Variants in F3 observed in about 807,000 individuals in gnomAD.
The protein encoded by F3 is tissue factor.
A neutral mutation model predicts 33.5 loss-of-function variants in F3; 18 were observed. The ratio of observed to expected loss-of-function variants is 0.54; its 90% CI spans 0.37 to 0.80. The LOEUF is 0.80. Ranked by LOEUF, F3 falls within the 30% of genes least tolerant of loss-of-function variation. F3 has a pLI of 0.00. For synonymous variants in F3, 147 were observed against 140.7 expected, an observed-to-expected ratio of 1.05 and a Z score of -0.32; for missense variants, 353 against 362.1, an observed-to-expected ratio of 0.97 and a Z score of 0.20.
chr1:94,541,442 C>G (rs1339113465), intron 1 of F3, 95 bp downstream of exon 1: 3 of 1,024,372 alleles, frequency 2.9e-6, no homozygotes, highest in Non-Finnish European at 4.0e-6. Flanking sequence ...ACATGGGCGC[C>G]CCGGGGAACC....
Position 94,532,303 on chromosome 1 carries a change from G to T in F3, c.751+18C>A. The T allele has an allele frequency of 6.2e-7, 1 of 1,612,332 alleles. No individual in the cohort carries two copies. Among genetic ancestry groups the T allele is most frequent in the Non-Finnish European group, 8.5e-7 (1 of 1,179,134 alleles). On this transcript the variant is annotated intron_variant, in intron 5 of 5. Transcript: ENST00000334047. ...CAGCACCCATACCCCCAGGCAAATG[G>T]CTGGCAGAGCCACTCACCTCTGAAT...
At chr1:94,537,496 G>A (rs1052073152) in intron 2 of F3, among the ~76,000 whole-genome samples, 1 of 152,168 alleles carries the variant, frequency 6.6e-6, no homozygotes, top group African/African-American at 2.4e-5. Context: ...TGCCTGGTAC[G>A]AGGGCTGCAT....
At position 94,532,383 on chromosome 1, in the gene F3, A is replaced by G. The variant is rs756720253; in HGVS notation, c.689T>C (p.Val230Ala). The G allele has an allele frequency of 4.3e-6, 7 of 1,614,002 alleles. No homozygotes were observed. The highest frequency in any genetic ancestry group is 5.9e-6 in the Non-Finnish European group (7 of 1,180,030). Residue 230 changes from valine (V) to alanine (A), a missense_variant, in exon 5 of 6, where the codon GTT becomes GCT. Coordinates refer to ENST00000334047, the MANE Select transcript of F3 (RefSeq NM_001993.5). ...SVQAVIPSRT[V>A]NRKSTDSPVE... The stretch of plus-strand genomic sequence containing the variant: ...CGGGCTGTCTGTACTCTTCCGGTTA[A>G]CTGTTCGGGAGGGAATCACTGCTTG...
At chr1:94,532,258 A>G in intron 5 of F3, 63 bp downstream of exon 5, 1 of 1,497,590 alleles carries the variant, frequency 6.7e-7, no homozygotes, top group African/African-American at 1.4e-5. Context: ...GGGTGGAGCT[A>G]CTCCTCCAGA....
chr1:94,540,903 T>C (rs565316215), intron 1 of F3: 1 of 155,184 alleles, frequency 6.4e-6, no homozygotes, highest in African/African-American at 2.4e-5. Flanking sequence ...GTCGGCTGTA[T>C]TGGATCAGGA....
intron 2 of F3, among the ~76,000 whole-genome samples, chr1:94,537,537 C>T (rs963102300): frequency 1.3e-5 from 2 of 152,190 alleles, no homozygotes; most frequent in Non-Finnish European, 2.9e-5. Context: ...AGCAGCAGGG[C>T]TATAGGGTCT....
At position 94,533,077 on chromosome 1, in the gene F3, A is replaced by G. The variant is rs571550466; in HGVS notation, c.591+13T>C. On this transcript the variant is annotated intron_variant, in intron 4 of 5. Coordinates refer to ENST00000334047, the MANE Select transcript of F3 (RefSeq NM_001993.5). Reference sequence around the variant, plus strand: ...TTAAAACAGGTCATAAAAACAAATTAAAAAATGCTCACCTTTCCTGAACTT... The same window carrying G: ...TTAAAACAGGTCATAAAAACAAATTGAAAAATGCTCACCTTTCCTGAACTT... The G allele has an allele frequency of 1.9e-6, 3 of 1,606,092 alleles. No individual in the cohort carries two copies. Among genetic ancestry groups the G allele is most frequent in the South Asian group, 2.2e-5 (2 of 89,020 alleles).
At chr1:94,537,520 C>G (rs1476380427) in intron 2 of F3, among the ~76,000 whole-genome samples, 1 of 152,126 alleles carries the variant, frequency 6.6e-6, no homozygotes, top group Non-Finnish European at 1.5e-5. Context: ...CTTGTGTGCC[C>G]CCATTAAGCA....
chr1:94,530,938 T>A (rs1020070278), intron 5 of F3, among the ~76,000 whole-genome samples: 3 of 152,162 alleles, frequency 2.0e-5, no homozygotes, highest in Non-Finnish European at 4.4e-5. Context: ...GAACCCTAAG[T>A]GCAAAGTGGG....
intron 5 of F3, 136 bp downstream of exon 5, chr1:94,532,185 A>C: frequency 1.1e-6 from 1 of 901,732 alleles, no homozygotes; most frequent in Non-Finnish European, 1.6e-6. Context: ...AAATAACAAC[A>C]AAAAACCTCC....
chr1:94,534,518 A>C (rs1651536347), intron 3 of F3, among the ~76,000 whole-genome samples: 1 of 152,164 alleles, frequency 6.6e-6, no homozygotes, highest in African/African-American at 2.4e-5. Context: ...TTATACTTAG[A>C]GCATTAGCCA....
At chr1:94,540,434 A>ACGGC in intron 1 of F3, 66 bp from the exon 2 acceptor site, 1 of 1,025,254 alleles carries the variant, frequency 9.8e-7, no homozygotes, top group Non-Finnish European at 1.5e-6. Context: ...ATTGATGTAT[A>ACGGC]AAACACCTTC....
At position 94,532,810 on chromosome 1, in the gene F3, G is replaced by A. The variant is rs140342424; in HGVS notation, c.591+280C>T. Among the ~76,000 whole-genome samples, 78 of 152,302 alleles carry A rather than the reference G, an allele frequency of 5.1e-4. No individual in the cohort carries two copies. In the East Asian group the frequency reaches 0.014, roughly 26 times the overall value. On this transcript the variant is annotated intron_variant, in intron 4 of 5. Coordinates refer to ENST00000334047, the MANE Select transcript of F3 (RefSeq NM_001993.5). Reference sequence around the variant, plus strand: ...TGGGATCCTCAATAGAGGGAGAAATGTGAGCATGGCGGGACCTTTAGAGAT... The same window carrying A: ...TGGGATCCTCAATAGAGGGAGAAATATGAGCATGGCGGGACCTTTAGAGAT...
chr1:94,534,600 A>G (rs533790255), intron 3 of F3, among the ~76,000 whole-genome samples: 24 of 152,280 alleles, frequency 1.6e-4, no homozygotes, highest in Middle Eastern at 3.4e-3. Context: ...ATAAACTACG[A>G]TATTTTAGGT....
At chr1:94,535,864 A>G (rs1570864412) in intron 3 of F3, 101 bp downstream of exon 3, 1 of 1,111,938 alleles carries the variant, frequency 9.0e-7, no homozygotes, top group East Asian at 2.4e-5. Context: ...AGAAAAAAAG[A>G]ATAAATATTT....
rs745842754 is a variant in F3, at chr1:94,532,341, T to G, written c.731A>C (p.Gln244Pro). 6.2e-7 allele frequency: 1 copy of G among 1,614,126 alleles called. No individual in the cohort carries two copies. The highest frequency in any genetic ancestry group is 8.5e-7 in the Non-Finnish European group (1 of 1,180,030). Residue 244 changes from glutamine (Q) to proline (P), a missense_variant, in exon 5 of 6, where the codon CAG (glutamine) becomes CCG (proline). Physicochemically the swap from Gln to Pro is moderately conservative, Grantham distance 76. Transcript: ENST00000334047. ...CTCACCTCTGAATTCCCCTTTCTCC[T>G]GGCCCATACACTCTACCGGGCTGTC... ...STDSPVECMGQEKGEFREIFY... is the reference protein window; with the variant it reads ...STDSPVECMGPEKGEFREIFY...
At chr1:94,532,553 A>G in intron 4 of F3, 73 bp from the exon 5 acceptor site, 4 of 1,542,314 alleles carry the variant, frequency 2.6e-6, no homozygotes, top group Non-Finnish European at 2.6e-6. Context: ...GTCACTGTGG[A>G]AGTAAAAACC....
Position 94,530,300 on chromosome 1 carries a change from C to T in F3, c.*160G>A. ...AAGTGACTAATGCTGATGTCAAAAC[C>T]AGAATGCTAATGGTAATAACAGGTC... is the stretch of plus-strand genomic sequence containing the variant. On this transcript the variant is annotated 3_prime_UTR_variant, in exon 6 of 6. Transcript: ENST00000334047. 2.5e-6 allele frequency: 2 copies of T among 810,784 alleles called. No individual in the cohort carries two copies. The highest frequency in any genetic ancestry group is 2.0e-5 in the South Asian group (1 of 49,920). The allele number at this position is 810,784 out of a possible 1,614,324, so 50.2% of individuals were successfully genotyped here.
chr1:94,535,614 T>C (rs762664880), intron 3 of F3, among the ~76,000 whole-genome samples: 2 of 151,990 alleles, frequency 1.3e-5, no homozygotes, highest in Non-Finnish European at 2.9e-5. Flanking sequence ...ATACATGATA[T>C]ATATATAGGG....
Sources: gnomAD v4.1 joint callset for allele counts (sites outside exome capture counted in the v4.1 genomes callset) on GRCh38, gnomAD v4.1.1 for gene constraint, MANE v1.5 for transcripts, NCBI Gene and HGNC (gene_info 2026-07-23, HGNC 2026-07-21) for gene names.